Variants in HUWE1 observed in about 807,000 individuals in gnomAD.
HUWE1 encodes E3 ubiquitin-protein ligase HUWE1.
Under a neutral mutation model 299.4 loss-of-function variants are expected in HUWE1, and 18 were observed. That is an observed-to-expected ratio of 0.06 (90% confidence interval 0.04 to 0.09). HUWE1 has a LOEUF of 0.09. Among genes scored for constraint, HUWE1 ranks in the 10% least tolerant of loss-of-function variants. The pLI is 1.00. For missense variants in HUWE1, 1,832 were observed against 3,462.3 expected (o/e 0.53, Z 11.82); for synonymous variants, 1,317 against 1,286.1 (o/e 1.02, Z -0.51).
chrX:53,684,169 A>G (rs1274955446), intron 2 of HUWE1: 5 of 247,589 alleles, frequency 2.0e-5, no homozygotes, highest in Non-Finnish European at 3.6e-5. Context: ...TGAGGGGCGG[A>G]GCCAACCTAC....
intron 12 of HUWE1, 126 bp downstream of exon 12, chrX:53,630,809 G>A (rs1235763806): frequency 1.4e-5 from 7 of 495,829 alleles, no homozygotes; most frequent in African/African-American, 4.7e-5. Flanking sequence ...GGGAGGGGTG[G>A]AAGTATTTAA....
intron 80 of HUWE1, chrX:53,535,823 G>C (rs1486158638): frequency 1.6e-5 from 6 of 377,223 alleles, no homozygotes; most frequent in Non-Finnish European, 2.8e-5. Flanking sequence ...AAGAATTTAG[G>C]AGAAGAGTAA....
At chrX:53,669,434 C>G (rs896986910) in intron 3 of HUWE1, among the ~76,000 whole-genome samples, 49 of 112,157 alleles carry the variant, frequency 4.4e-4, no homozygotes, top group African/African-American at 1.6e-3. Context: ...CAAAGGTACT[C>G]TAGTTCTCAG....
chrX:53,537,790 C>CT, intron 77 of HUWE1, 94 bp from the exon 78 acceptor site: 2 of 905,175 alleles, frequency 2.2e-6, no homozygotes, highest in South Asian at 4.6e-5. Flanking sequence ...GATGCTCCTT[C>CT]TATCCTCCAA....
chrX:53,583,702 G>T lies in HUWE1; in HGVS notation c.5376C>A (p.Ala1792=), dbSNP rs1556970223. The change falls in exon 42 of 84, where the codon GCC becomes GCA. Residue 1792 remains alanine, a synonymous_variant. Coordinates refer to ENST00000262854, the MANE Select transcript of HUWE1 (RefSeq NM_031407.7). ...TACTCTTCAGTTCTGCAAACATCAT[G>T]GCATATTTGTGGTCCCGGGTGAGCC... The part of the protein sequence containing the change: ...CLRLTRDHKY[A]MMFAELKSTR... 3 of 1,211,013 alleles carry T rather than the reference G, an allele frequency of 2.5e-6. No individual in the cohort carries two copies.
Position 53,544,622 on chromosome X carries a change from A to T in HUWE1, c.11189T>A (p.Ile3730Asn). The T allele has an allele frequency of 8.3e-7, 1 of 1,209,127 alleles. No homozygotes were observed. The highest frequency in any genetic ancestry group is 1.1e-6 in the Non-Finnish European group (1 of 894,675). ...GCGCGTGTCGTCCCGGAGCTGGATG[A>T]TGACCTGTAGTACCCTCAAGAAGAA... ...QKFFLRVLQV[I>N]IQLRDDTRRA... Residue 3730 changes from isoleucine to asparagine, a missense_variant, in exon 72 of 84, where the codon ATC becomes AAC. Coordinates refer to ENST00000262854, the MANE Select transcript of HUWE1 (RefSeq NM_031407.7).
chrX:53,651,005 C>T (rs2068422721), intron 4 of HUWE1, among the ~76,000 whole-genome samples: 1 of 111,219 alleles, frequency 9.0e-6, no homozygotes, highest in African/African-American at 3.3e-5. Flanking sequence ...TGGACGTTTA[C>T]TGGGTTTGTT....
chrX:53,565,795 C>G lies in HUWE1; in HGVS notation c.6708-556G>C, dbSNP rs113715450. ...TACAGGCGTGAGCCACCATGCCCAGCTAATTTTTCTATTTTTTGTAGAGAT... is the reference window on the plus strand; with the variant it reads ...TACAGGCGTGAGCCACCATGCCCAGGTAATTTTTCTATTTTTTGTAGAGAT... On this transcript the variant is annotated intron_variant, in intron 49 of 83. Coordinates refer to ENST00000262854, the MANE Select transcript of HUWE1 (RefSeq NM_031407.7). Among the ~76,000 whole-genome samples the G allele has an allele frequency of 4.0e-3, 440 of 109,888 alleles. 1 individual carries two copies. Among genetic ancestry groups the G allele is most frequent in the African/African-American group, 0.014 (428 of 30,172 alleles).
intron 49 of HUWE1, 44 bp downstream of exon 49, chrX:53,568,648 A>C (rs2062682258): frequency 2.6e-6 from 3 of 1,152,602 alleles, no homozygotes; most frequent in African/African-American, 3.5e-5. Flanking sequence ...TCGTGTAGTG[A>C]GGCTGAAGAG....
intron 60 of HUWE1, among the ~76,000 whole-genome samples, chrX:53,556,610 T>C (rs1320083386): frequency 9.0e-6 from 1 of 111,647 alleles, no homozygotes; most frequent in Non-Finnish European, 1.9e-5. Context: ...CTGACCATTG[T>C]TAAGAAGATC....
rs185529359 is a variant in HUWE1, at chrX:53,538,690, G to A, written c.11878+145C>T. The stretch of plus-strand genomic sequence containing the variant: ...ATGCAGGGTTTACGTGCACGGGTGT[G>A]TGTATGTACACACACACACACACAC... On this transcript the variant is annotated intron_variant, in intron 76 of 83. Coordinates refer to ENST00000262854, the MANE Select transcript of HUWE1 (RefSeq NM_031407.7). 4.2e-5 allele frequency: 26 copies of A among 625,786 alleles called. No homozygotes were observed. In the East Asian group the frequency reaches 9.0e-4, roughly 22 times the overall value. The allele number at this position is 625,786 out of a possible 1,213,427, so 51.6% of individuals were successfully genotyped here. A position where few individuals can be genotyped will look rare whatever the true frequency, so the allele number is the denominator to read the frequency against.
intron 7 of HUWE1, among the ~76,000 whole-genome samples, chrX:53,637,004 T>C (rs1463767877): frequency 8.9e-6 from 1 of 112,528 alleles, no homozygotes; most frequent in African/African-American, 3.2e-5. Flanking sequence ...CATGCAGTTA[T>C]ACTTTCTTTC....
At chrX:53,649,853 A>G (rs781845524) in intron 4 of HUWE1, among the ~76,000 whole-genome samples, 8 of 112,330 alleles carry the variant, frequency 7.1e-5, no homozygotes, top group African/African-American at 2.3e-4. Context: ...GGATCCTGTA[A>G]TAATTTGGTA....
At chrX:53,598,526 C>T (rs1314384631) in intron 29 of HUWE1, among the ~76,000 whole-genome samples, 2 of 111,380 alleles carry the variant, frequency 1.8e-5, no homozygotes, top group East Asian at 5.6e-4. Context: ...CAGATGAAGA[C>T]CTCTATGATG....
chrX:53,606,099 A>G (rs2065138826), intron 25 of HUWE1, among the ~76,000 whole-genome samples: 1 of 112,215 alleles, frequency 8.9e-6, no homozygotes, highest in South Asian at 3.7e-4. Context: ...AACAAAAACA[A>G]AAAAAGAGAA....
chrX:53,608,082 TATAATGCAAATGAAACGC>T (rs1470147963), intron 24 of HUWE1, among the ~76,000 whole-genome samples: 19 of 112,262 alleles, frequency 1.7e-4, no homozygotes, highest in Non-Finnish European at 2.4e-4. Context: ...CAAATGTGCT[TATAATGCAAATGAAACGC>T]ATAATGCAAA....
At chrX:53,595,654 T>C (rs1157813267) in intron 29 of HUWE1, among the ~76,000 whole-genome samples, 1 of 111,684 alleles carries the variant, frequency 9.0e-6, no homozygotes, top group African/African-American at 3.3e-5. Context: ...TAAGCACTCA[T>C]ACTGCTAGAG....
chrX:53,661,944 A>G (rs1557045722), intron 3 of HUWE1, among the ~76,000 whole-genome samples: 1 of 111,987 alleles, frequency 8.9e-6, no homozygotes, highest in Admixed American at 9.5e-5. Context: ...CTCATATTCT[A>G]TAGTAATCAC....
chrX:53,650,586 T>G (rs932154472), intron 4 of HUWE1, among the ~76,000 whole-genome samples: 1 of 112,507 alleles, frequency 8.9e-6, no homozygotes, highest in Admixed American at 9.4e-5. Context: ...CGTTAAGATA[T>G]AAGAAAGCAT....
Sources: allele counts gnomAD v4.1 joint callset (sites outside exome capture counted in the v4.1 genomes callset), GRCh38; gene constraint gnomAD v4.1.1; transcripts MANE v1.5; gene names NCBI Gene and HGNC (gene_info 2026-07-23, HGNC 2026-07-21).